Variants in MYOF observed in about 807,000 individuals in gnomAD.
MYOF encodes fer-1-like 3, myoferlin.
In MYOF, 244 loss-of-function variants were observed where a neutral mutation model predicts 284.2. That is an observed-to-expected ratio of 0.86 (90% CI 0.77 to 0.95). MYOF has a LOEUF of 0.95. Among genes scored for constraint, MYOF ranks in the 40% least tolerant of loss-of-function variants. MYOF has a pLI of 0.00. For missense variants in MYOF, 2,496 were observed against 2,560.6 expected (o/e 0.97, Z 0.54); for synonymous variants, 904 against 919.7 (o/e 0.98, Z 0.31).
intron 42 of MYOF, 92 bp downstream of exon 42, chr10:93,333,666 C>T: frequency 6.7e-7 from 1 of 1,497,796 alleles, no homozygotes; most frequent in Non-Finnish European, 9.1e-7. Context: ...AGTGAGATAA[C>T]AGACGCCCAG....
At position 93,381,370 on chromosome 10, in the gene MYOF, G is replaced by T. The variant is rs1846103745; in HGVS notation, c.1725C>A (p.Ser575Arg). 6.2e-7 allele frequency: 1 copy of T among 1,614,106 alleles called. No homozygotes were observed. Among genetic ancestry groups the T allele is most frequent in the African/African-American group, 1.3e-5 (1 of 74,934 alleles). ...TGGCTGAATGAAACACGGCAGACAG[G>T]CTGTACTTCCGCCTTCGCTGGTATT... ...VEKYQRRRKY[S>R]LSAVFHSATM... Residue 575 changes from serine (S) to arginine (R), a missense_variant, in exon 20 of 54, where the codon AGC (serine) becomes AGA (arginine). Physicochemically the swap from Ser to Arg is moderately radical, Grantham distance 110. Coordinates refer to ENST00000359263, the MANE Select transcript of MYOF (RefSeq NM_013451.4).
chr10:93,390,082 G>A (rs908635621), intron 17 of MYOF, among the ~76,000 whole-genome samples: 1 of 152,228 alleles, frequency 6.6e-6, no homozygotes, highest in South Asian at 2.1e-4. Context: ...CTTTCAGCAT[G>A]TTCTCAGGAT....
intron 48 of MYOF, among the ~76,000 whole-genome samples, chr10:93,321,696 CTCTT>C (rs1456305945): frequency 1.3e-5 from 2 of 150,378 alleles, no homozygotes; most frequent in Admixed American, 6.5e-5. Flanking sequence ...AGCTCTTCCT[CTCTT>C]TTTTTGGTGA....
chr10:93,335,270 C>T (rs145252926), intron 41 of MYOF, among the ~76,000 whole-genome samples: 3 of 151,814 alleles, frequency 2.0e-5, no homozygotes, highest in African/African-American at 7.3e-5. Flanking sequence ...GGGGCTTGGG[C>T]GAGGCTCTCC....
rs760903350 is a variant in MYOF at position 93,306,940 on chromosome 10, TTGAAA to T, written c.*18_*22del. ...GGATTCTCTCATTGCTGGATGACTCTTGAAATGAAGCCTTTGCCTTTGTTACACAT... is the reference window on the plus strand; with the variant it reads ...GGATTCTCTCATTGCTGGATGACTCTTGAAGCCTTTGCCTTTGTTACACAT... On this transcript the variant is annotated 3_prime_UTR_variant, in exon 54 of 54. Coordinates refer to ENST00000359263, the MANE Select transcript of MYOF (RefSeq NM_013451.4). The T allele has an allele frequency of 3.1e-6, 5 of 1,610,448 alleles. No individual in the cohort carries two copies. Among genetic ancestry groups the T allele is most frequent in the East Asian group, 4.5e-5 (2 of 44,862 alleles).
chr10:93,306,511 G>A lies in MYOF; in HGVS notation c.*452C>T, dbSNP rs980360730. On this transcript the variant is annotated 3_prime_UTR_variant, in exon 54 of 54. Transcript: ENST00000359263. ...ATCCATACAAAATATAGCAATGGTTGTGGGCATAAATAAGAATTGTTCTAA... is the reference window on the plus strand; with the variant it reads ...ATCCATACAAAATATAGCAATGGTTATGGGCATAAATAAGAATTGTTCTAA... 6.4e-6 allele frequency: 1 copy of A among 156,240 alleles called. No homozygotes were observed. Among genetic ancestry groups the A allele is most frequent in the Non-Finnish European group, 1.4e-5 (1 of 71,000 alleles). 9.7% of individuals were successfully genotyped at this position (156,240 alleles called of 1,614,324 possible).
At chr10:93,424,818 C>T (rs1015492652) in intron 5 of MYOF, among the ~76,000 whole-genome samples, 6 of 151,892 alleles carry the variant, frequency 4.0e-5, no homozygotes, top group African/African-American at 1.2e-4. Flanking sequence ...AAAGTGAACC[C>T]TCGGGCGGCC....
intron 3 of MYOF, among the ~76,000 whole-genome samples, chr10:93,436,541 T>C (rs1404759215): frequency 6.6e-6 from 1 of 152,162 alleles, no homozygotes; most frequent in East Asian, 1.9e-4. Context: ...AAGACTTTAA[T>C]CCCAAAAACA....
At chr10:93,366,907 T>C (rs1845349544) in intron 25 of MYOF, among the ~76,000 whole-genome samples, 1 of 143,366 alleles carries the variant, frequency 7.0e-6, no homozygotes, top group Non-Finnish European at 1.6e-5. Context: ...CTCAAGATAG[T>C]TCGCGAACCT....
chr10:93,363,987 G>T lies in MYOF; in HGVS notation c.2842C>A (p.Pro948Thr). Residue 948 changes from proline to threonine, a missense_variant, in exon 27 of 54, where the codon CCG becomes ACG. Physicochemically the swap from Pro to Thr is conservative, Grantham distance 38. This residue lies in a region of MYOF where 2,436 missense variants were observed against 2,480.7 expected (regional missense o/e 0.98). Transcript: ENST00000359263. Reference protein sequence around the residue: ...ESRYPGGDWKPAEDTYTDANG... With the variant: ...ESRYPGGDWKTAEDTYTDANG... The stretch of plus-strand genomic sequence containing the variant: ...GCATCCGTGTAGGTGTCCTCGGCCG[G>T]CTTCCAGTCGCCCCCGGGGTAGCGG... The T allele has an allele frequency of 6.2e-7, 1 of 1,614,158 alleles. No individual in the cohort carries two copies. Among genetic ancestry groups the T allele is most frequent in the Non-Finnish European group, 8.5e-7 (1 of 1,180,038 alleles).
intron 2 of MYOF, among the ~76,000 whole-genome samples, chr10:93,454,810 T>C (rs996144506): frequency 4.0e-5 from 6 of 151,530 alleles, no homozygotes; most frequent in Admixed American, 6.6e-5. Flanking sequence ...GGATGTAATC[T>C]CTACAAATGT....
At chr10:93,424,857 CAAG>C (rs370060962) in intron 5 of MYOF, among the ~76,000 whole-genome samples, 8 of 149,088 alleles carry the variant, frequency 5.4e-5, no homozygotes, top group African/African-American at 1.2e-4. Context: ...CCAAGAGAAG[CAAG>C]AAGAAGATGA....
chr10:93,439,181 TTACCTTTGCAGG>T (rs112513021), intron 3 of MYOF, among the ~76,000 whole-genome samples: 2,021 of 151,064 alleles, frequency 0.013, 40 homozygotes, highest in African/African-American at 0.047. Flanking sequence ...GGTATCACTG[TTACCTTTGCAGG>T]TAACACCTGC....
intron 3 of MYOF, among the ~76,000 whole-genome samples, chr10:93,442,285 GAAGAA>G (rs2056291094): frequency 1.3e-5 from 2 of 152,288 alleles, no homozygotes; most frequent in South Asian, 4.1e-4. Flanking sequence ...AGTAAACCTA[GAAGAA>G]AAGAATTAGC....
intron 47 of MYOF, 22 bp downstream of exon 47, chr10:93,323,248 G>A: frequency 1.2e-6 from 2 of 1,613,770 alleles, no homozygotes; most frequent in Non-Finnish European, 1.7e-6. Context: ...TATGTATCAG[G>A]GTCTCAGGAT....
intron 30 of MYOF, among the ~76,000 whole-genome samples, chr10:93,356,247 A>T (rs1844797974): frequency 6.6e-6 from 1 of 152,026 alleles, no homozygotes; most frequent in Admixed American, 6.5e-5. Context: ...GTTCTTCCGT[A>T]TTGCTCTCTA....
In MYOF at chr10:93,335,985, G is replaced by A. The variant is rs201673770; in HGVS notation, c.4499C>T (p.Thr1500Met). 1.0e-4 allele frequency: 168 copies of A among 1,614,134 alleles called. No homozygotes were observed. The highest frequency in any genetic ancestry group is 8.2e-4 in the Middle Eastern group (5 of 6,062). The part of the protein sequence containing the change: ...EFEGLTDFSD[T>M]FKLYRGKSDE... ...CGACTTGCCTCGGTACAACTTGAAC[G>A]TATCTGAGAAGTCTGTCAGGCCCTC... The change falls in exon 41 of 54, where the codon ACG (threonine) becomes ATG (methionine). Residue 1500 changes from threonine (T) to methionine (M), a missense_variant. By Grantham distance (81) the Thr-to-Met change is moderately conservative (BLOSUM62 -1). Transcript: ENST00000359263.
At chr10:93,442,330 A>T (rs1331994464) in intron 3 of MYOF, among the ~76,000 whole-genome samples, 1 of 152,020 alleles carries the variant, frequency 6.6e-6, no homozygotes, top group Non-Finnish European at 1.5e-5. Context: ...AAATTGAAGT[A>T]ATTTTTTCTT....
intron 19 of MYOF, among the ~76,000 whole-genome samples, chr10:93,384,964 T>C (rs1171083559): frequency 6.6e-6 from 1 of 152,208 alleles, no homozygotes; most frequent in African/African-American, 2.4e-5. Flanking sequence ...TGATACCTGA[T>C]GGAGCAGCTG....
Sources: allele counts gnomAD v4.1 joint callset (sites outside exome capture counted in the v4.1 genomes callset), GRCh38; gene constraint gnomAD v4.1.1; regional missense constraint gnomAD v4.1.1; transcripts MANE v1.5; gene names NCBI Gene and HGNC (gene_info 2026-07-23, HGNC 2026-07-21).